Variants in HELZ observed in about 807,000 individuals in gnomAD.
The protein encoded by HELZ is helicase with zinc finger, also known as ATP-dependent RNA helicase with zinc finger domain.
HELZ carries 23 observed loss-of-function variants against 218.2 expected under a neutral mutation model. That is an observed-to-expected ratio of 0.11 (90% CI 0.08 to 0.15). HELZ has a LOEUF of 0.15. HELZ is among the 10% of genes least tolerant of loss of function. The pLI, the probability that HELZ is intolerant of heterozygous loss-of-function variation, is 1.00. For synonymous variants in HELZ, 814 were observed against 829.4 expected (o/e 0.98, Z 0.32); for missense variants, 1,813 against 2,353.7 (o/e 0.77, Z 4.75).
At chr17:67,145,686 A>T (rs2038471740) in intron 21 of HELZ, 57 bp downstream of exon 21, 2 of 1,430,778 alleles carry the variant, frequency 1.4e-6, no homozygotes, top group Admixed American at 3.9e-5. Context: ...AATGCTTAAC[A>T]AAACTAGACG....
rs376891444 is a variant in HELZ, at chr17:67,201,123, C to G, written c.429+6G>C. 6.3e-7 allele frequency: 1 copy of G among 1,587,808 alleles called. No homozygotes were observed. The highest frequency in any genetic ancestry group is 8.7e-7 in the Non-Finnish European group (1 of 1,156,014). On this transcript the variant is annotated splice_donor_region_variant and intron_variant, in intron 7 of 32. Coordinates refer to ENST00000358691, the MANE Select transcript of HELZ (RefSeq NM_014877.4). ...CTTCCAAACGGATCCACTGAAATGG[C>G]CTTACCTCTGTTTCTGAGAGAAGTG...
At chr17:67,130,449 G>C (rs996693044) in intron 23 of HELZ, among the ~76,000 whole-genome samples, 2 of 152,092 alleles carry the variant, frequency 1.3e-5, no homozygotes, top group Non-Finnish European at 2.9e-5. Context: ...AAGTAAAAAT[G>C]CTACAAAATA....
chr17:67,178,958 A>G (rs2039533493), intron 12 of HELZ, 32 bp from the exon 13 acceptor site: 1 of 1,452,488 alleles, frequency 6.9e-7, no homozygotes, highest in Non-Finnish European at 9.3e-7. Context: ...ATTTATAAAG[A>G]AACAGAACAT....
chr17:67,149,853 C>A lies in HELZ; in HGVS notation c.2475+14G>T. On this transcript the variant is annotated intron_variant, in intron 19 of 32. Transcript: ENST00000358691. ...AAAAGTTACTTTCAACACAGCAACT[C>A]AGAGGGCACTTACCTGCATGTGATC... 6.8e-7 allele frequency: 1 copy of A among 1,474,328 alleles called. No individual in the cohort carries two copies. The allele number at this position is 1,474,328 out of a possible 1,614,324, so 91.3% of individuals were successfully genotyped here. A position where few individuals can be genotyped will look rare whatever the true frequency, so the allele number is the denominator to read the frequency against.
intron 16 of HELZ, 43 bp downstream of exon 16, chr17:67,160,854 G>C: frequency 7.0e-7 from 1 of 1,418,994 alleles, no homozygotes; most frequent in Non-Finnish European, 9.6e-7. Context: ...AACAGAGGTA[G>C]TATCCTACCA....
chr17:67,211,825 C>A (rs911609427), intron 5 of HELZ, among the ~76,000 whole-genome samples: 3 of 152,104 alleles, frequency 2.0e-5, no homozygotes, highest in African/African-American at 7.2e-5. Context: ...TACGCCACTG[C>A]ACTCCAGCCT....
chr17:67,155,195 A>T (rs2038803457), intron 17 of HELZ, among the ~76,000 whole-genome samples: 1 of 152,218 alleles, frequency 6.6e-6, no homozygotes, highest in South Asian at 2.1e-4. Flanking sequence ...AGGAAGACCT[A>T]AGATCCAGGA....
Position 67,128,873 on chromosome 17 carries a change from A to G in HELZ, c.3183-18T>C. On this transcript the variant is annotated intron_variant, in intron 23 of 32. Coordinates refer to ENST00000358691, the MANE Select transcript of HELZ (RefSeq NM_014877.4). Reference sequence around the variant, plus strand: ...AAAATTTCCTACAGAAAAGATTTACAAGATCAGATTACAATTCAATGGATG... The same window carrying G: ...AAAATTTCCTACAGAAAAGATTTACGAGATCAGATTACAATTCAATGGATG... 6.4e-7 allele frequency: 1 copy of G among 1,569,454 alleles called. No homozygotes were observed. Among genetic ancestry groups the G allele is most frequent in the Non-Finnish European group, 8.8e-7 (1 of 1,139,722 alleles).
chr17:67,212,294 G>A (rs930111091), intron 5 of HELZ, among the ~76,000 whole-genome samples: 9 of 84,010 alleles, frequency 1.1e-4, no homozygotes, highest in Admixed American at 9.8e-4. Context: ...CAACCTGGGC[G>A]ACAGGGAGAG....
In HELZ at chr17:67,078,169, T is replaced by A; in HGVS notation, c.*83A>T. ...ATATTAAAACAAAGGGAACTGTGCATCTATAGATGAAGTCCAACTACCTTA... is the reference window on the plus strand; with the variant it reads ...ATATTAAAACAAAGGGAACTGTGCAACTATAGATGAAGTCCAACTACCTTA... On this transcript the variant is annotated 3_prime_UTR_variant, in exon 33 of 33. Coordinates refer to ENST00000358691, the MANE Select transcript of HELZ (RefSeq NM_014877.4). 1.1e-6 allele frequency: 1 copy of A among 891,196 alleles called. No individual in the cohort carries two copies. The highest frequency in any genetic ancestry group is 1.8e-6 in the Non-Finnish European group (1 of 555,512). 55.2% of individuals were successfully genotyped at this position (891,196 alleles called of 1,614,324 possible). A position where few individuals can be genotyped will look rare whatever the true frequency, so the allele number is the denominator to read the frequency against.
intron 22 of HELZ, among the ~76,000 whole-genome samples, chr17:67,136,815 T>C (rs2038167220): frequency 6.6e-6 from 1 of 152,178 alleles, no homozygotes; most frequent in Non-Finnish European, 1.5e-5. Flanking sequence ...ATTTAATGCA[T>C]ACAGAGTTTC....
intron 13 of HELZ, among the ~76,000 whole-genome samples, chr17:67,177,428 A>G (rs2039492154): frequency 6.6e-6 from 1 of 152,132 alleles, no homozygotes; most frequent in Non-Finnish European, 1.5e-5. Flanking sequence ...TAAAATATTA[A>G]ACAAATAAAA....
At chr17:67,187,745 G>A (rs1175213466) in intron 12 of HELZ, among the ~76,000 whole-genome samples, 1 of 152,154 alleles carries the variant, frequency 6.6e-6, no homozygotes, top group Admixed American at 6.6e-5. Context: ...AATGTACAAA[G>A]TAATTCCTTA....
chr17:67,211,963 A>G (rs1248012094), intron 5 of HELZ, among the ~76,000 whole-genome samples: 1 of 152,138 alleles, frequency 6.6e-6, no homozygotes, highest in Non-Finnish European at 1.5e-5. Flanking sequence ...TTCGTAACCC[A>G]CAGTAGGTCA....
chr17:67,114,363 C>A lies in HELZ; in HGVS notation c.3879G>T (p.Lys1293Asn). The A allele has an allele frequency of 1.9e-6, 3 of 1,611,552 alleles. No individual in the cohort carries two copies. Among genetic ancestry groups the A allele is most frequent in the Non-Finnish European group, 2.5e-6 (3 of 1,177,774 alleles). ...DTNNSGPEINKIRTPEKKPTE... is the reference protein window; with the variant it reads ...DTNNSGPEINNIRTPEKKPTE... ...TTGGCTTTTTCTCTGGTGTTCGAAT[C>A]TTATTAATTTCAGGTCCGGAATTAT... Residue 1293 changes from lysine (K) to asparagine (N), a missense_variant, in exon 28 of 33, where the codon AAG becomes AAT. By Grantham distance (94) the Lys-to-Asn change is moderately conservative. Around this residue, in one of 4 missense-constraint regions of HELZ, gnomAD observed 938 missense variants for 1,027.5 expected, o/e 0.91. Transcript: ENST00000358691.
intron 1 of HELZ, chr17:67,244,691 C>A: frequency 1.0e-6 from 1 of 983,764 alleles, no homozygotes; most frequent in Non-Finnish European, 1.2e-6. Flanking sequence ...AGCCCCCACC[C>A]CACCCGGTGG....
intron 3 of HELZ, among the ~76,000 whole-genome samples, chr17:67,221,838 T>C (rs2040753105): frequency 6.6e-6 from 1 of 150,754 alleles, no homozygotes; most frequent in African/African-American, 2.5e-5. Context: ...TTGCTGTTTT[T>C]TGTGTTTTTT....
At position 67,145,897 on chromosome 17, in the gene HELZ, T is replaced by TA; in HGVS notation, c.2622-8dup. On this transcript the variant is annotated splice_polypyrimidine_tract_variant and splice_region_variant and intron_variant, in intron 20 of 32. Transcript: ENST00000358691. Reference sequence around the variant, plus strand: ...GAAAAGCTCAGAGGTATAACTGCAGTAAAAGACAAAAAGAAAAAAGGGGGA... The same window carrying TA: ...GAAAAGCTCAGAGGTATAACTGCAGTAAAAAGACAAAAAGAAAAAAGGGGGA... 6.3e-7 allele frequency: 1 copy of TA among 1,595,856 alleles called. No homozygotes were observed. The highest frequency in any genetic ancestry group is 1.8e-5 in the Admixed American group (1 of 55,332).
chr17:67,196,987 T>C (rs768209790), intron 7 of HELZ, among the ~76,000 whole-genome samples: 2 of 152,204 alleles, frequency 1.3e-5, no homozygotes, highest in Non-Finnish European at 2.9e-5. Context: ...CATTTATCCC[T>C]GAACCAACTG....
Sources: gnomAD v4.1 joint callset for allele counts (sites outside exome capture counted in the v4.1 genomes callset) on GRCh38, gnomAD v4.1.1 for gene constraint, gnomAD v4.1.1 regional missense constraint, MANE v1.5 for transcripts, NCBI Gene and HGNC (gene_info 2026-07-23, HGNC 2026-07-21) for gene names.